AP4E1: variants seen among roughly 807,000 people sequenced by gnomAD.
The protein encoded by AP4E1 is AP-4 complex subunit epsilon-1.
A neutral mutation model predicts 128.2 loss-of-function variants in AP4E1; 56 were observed. The ratio of observed to expected loss-of-function variants is 0.44; its 90% CI spans 0.35 to 0.55. AP4E1 has a LOEUF of 0.55. Among genes scored for constraint, AP4E1 ranks in the 20% least tolerant of loss-of-function variants. The pLI is 0.00. For synonymous variants in AP4E1, 484 were observed against 473.1 expected, an observed-to-expected ratio of 1.02 and a Z score of -0.30; for missense variants, 1,324 against 1,307.7, an observed-to-expected ratio of 1.01 and a Z score of -0.19.
chr15:50,996,475 G>C (rs899890430), intron 17 of AP4E1, among the ~76,000 whole-genome samples: 1 of 152,124 alleles, frequency 6.6e-6, no homozygotes, highest in Non-Finnish European at 1.5e-5. Flanking sequence ...AAAATCATCT[G>C]TTCAGAGTTG....
In AP4E1 at chr15:50,984,076, G is replaced by A. The variant is rs778403145; in HGVS notation, c.2021G>A (p.Arg674Gln). The change falls in exon 16 of 21, where the codon CGA (arginine) becomes CAA (glutamine). Residue 674 changes from arginine (R) to glutamine (Q), a missense_variant. Arg to Gln is a conservative substitution (Grantham distance 43). Coordinates refer to ENST00000261842, the MANE Select transcript of AP4E1 (RefSeq NM_007347.5). The part of the protein sequence containing the change: ...LSFSSSGFTG[R>Q]QSPAGISLGS... ...TTTTCTTCATCTGGCTTCACTGGAC[G>A]ACAGTCTCCTGCTGGCATTTCTCTT... The A allele has an allele frequency of 6.2e-6, 10 of 1,613,214 alleles. No homozygotes were observed. The highest frequency in any genetic ancestry group is 5.5e-5 in the South Asian group (5 of 91,054).
intron 16 of AP4E1, among the ~76,000 whole-genome samples, chr15:50,991,885 G>A (rs1430546873): frequency 1.3e-4 from 20 of 150,224 alleles, no homozygotes; most frequent in Non-Finnish European, 2.8e-4. Context: ...TCTTGTAGTA[G>A]AAATGATTTT....
At chr15:50,953,529 T>C (rs1277646626) in intron 13 of AP4E1, among the ~76,000 whole-genome samples, 1 of 152,346 alleles carries the variant, frequency 6.6e-6, no homozygotes, top group Admixed American at 6.5e-5. Flanking sequence ...AATCATTCCT[T>C]TGTCCAGTGT....
intron 11 of AP4E1, among the ~76,000 whole-genome samples, 166 bp downstream of exon 11, chr15:50,948,325 C>T (rs1375417224): frequency 1.4e-5 from 2 of 146,100 alleles, no homozygotes; most frequent in Admixed American, 1.4e-4. Context: ...TTGTGTAGAC[C>T]TCTTAGGAGA....
At chr15:50,961,200 CT>C (rs984433100) in intron 14 of AP4E1, among the ~76,000 whole-genome samples, 1 of 152,032 alleles carries the variant, frequency 6.6e-6, no homozygotes, top group African/African-American at 2.4e-5. Context: ...AGCACCAACT[CT>C]TCTTAAACTA....
At chr15:50,999,487 C>T (rs2064928637) in intron 19 of AP4E1, among the ~76,000 whole-genome samples, 1 of 152,016 alleles carries the variant, frequency 6.6e-6, no homozygotes, top group Non-Finnish European at 1.5e-5. Flanking sequence ...ATAAGTGTTA[C>T]AATGAGGGAT....
intron 13 of AP4E1, among the ~76,000 whole-genome samples, chr15:50,956,212 T>C (rs1272846241): frequency 1.3e-5 from 2 of 152,236 alleles, no homozygotes; most frequent in South Asian, 2.1e-4. Context: ...CTGGGACTTA[T>C]GTTACCTGTT....
intron 5 of AP4E1, among the ~76,000 whole-genome samples, chr15:50,927,516 G>GTT (rs11378934): frequency 0.36 from 50,749 of 140,106 alleles, 9,430 homozygotes; most frequent in Middle Eastern, 0.42. Context: ...CCTATTCAGA[G>GTT]TTTTTTTTTT....
chr15:50,967,131 A>G (rs1365508669), intron 14 of AP4E1, among the ~76,000 whole-genome samples: 3 of 152,106 alleles, frequency 2.0e-5, no homozygotes, highest in African/African-American at 7.2e-5. Context: ...GTAATTTTCC[A>G]TAGATTTGTG....
chr15:50,991,332 C>T (rs2064804651), intron 16 of AP4E1, among the ~76,000 whole-genome samples: 1 of 152,072 alleles, frequency 6.6e-6, no homozygotes, highest in Non-Finnish European at 1.5e-5. Flanking sequence ...GGGACTTGTT[C>T]TCTCTTTTTT....
intron 14 of AP4E1, among the ~76,000 whole-genome samples, chr15:50,965,477 C>T (rs543909126): frequency 6.6e-6 from 1 of 152,346 alleles, no homozygotes; most frequent in South Asian, 2.1e-4. Flanking sequence ...AGTAGCGATT[C>T]ATGAATCGGG....
At chr15:50,962,473 G>C (rs184784485) in intron 14 of AP4E1, among the ~76,000 whole-genome samples, 2 of 151,900 alleles carry the variant, frequency 1.3e-5, no homozygotes, top group South Asian at 4.2e-4. Context: ...ACTGATTTTC[G>C]GTCAAAGTGC....
In AP4E1 at chr15:50,997,537, T is replaced by A; in HGVS notation, c.2558T>A (p.Leu853Ter). The change falls in exon 18 of 21, where the codon TTG becomes TAG. Residue 853 changes from leucine to a stop codon, truncating the protein, a stop_gained. Transcript: ENST00000261842. LOFTEE classifies it high-confidence loss of function. ...LKKFSLTSEL[L>*]DSESLTELPL... ...AAATTTTCTCTCACTTCAGAACTTTTGGATTCTGAGTCACTCACAGAACTG... is the reference window on the plus strand; with the variant it reads ...AAATTTTCTCTCACTTCAGAACTTTAGGATTCTGAGTCACTCACAGAACTG... The A allele has an allele frequency of 6.2e-7, 1 of 1,614,084 alleles. No homozygotes were observed. Among genetic ancestry groups the A allele is most frequent in the Non-Finnish European group, 8.5e-7 (1 of 1,179,972 alleles).
At chr15:50,941,114 G>A (rs1315465277) in intron 8 of AP4E1, among the ~76,000 whole-genome samples, 1 of 152,048 alleles carries the variant, frequency 6.6e-6, no homozygotes, top group African/African-American at 2.4e-5. Context: ...AGGGCAGGAT[G>A]TTTTTTTCCA....
At chr15:50,972,777 G>A (rs1417246683) in intron 15 of AP4E1, among the ~76,000 whole-genome samples, 2 of 152,312 alleles carry the variant, frequency 1.3e-5, no homozygotes, top group East Asian at 3.9e-4. Context: ...GCCAAGAGTA[G>A]CCTATGGGGC....
At chr15:50,934,424 T>G in intron 7 of AP4E1, 200 bp from the exon 8 acceptor site, 1 of 486,430 alleles carries the variant, frequency 2.1e-6, no homozygotes, top group Admixed American at 3.4e-5. Context: ...GGTTAACTAG[T>G]CAACTTTGAT....
chr15:50,949,742 G>A (rs1229298960), intron 11 of AP4E1, 84 bp from the exon 12 acceptor site: 14 of 1,046,848 alleles, frequency 1.3e-5, no homozygotes, highest in Non-Finnish European at 2.1e-5. Context: ...GATGAATTGG[G>A]GTTATTTTTT....
chr15:50,974,113 G>A (rs2064519467), intron 15 of AP4E1, among the ~76,000 whole-genome samples: 1 of 152,022 alleles, frequency 6.6e-6, no homozygotes, highest in Admixed American at 6.6e-5. Flanking sequence ...CTACAAGCAT[G>A]AGTCACCACA....
chr15:50,989,700 C>T (rs1429069603), intron 16 of AP4E1, among the ~76,000 whole-genome samples: 1 of 152,140 alleles, frequency 6.6e-6, no homozygotes, highest in Non-Finnish European at 1.5e-5. Flanking sequence ...ACCTGCACAA[C>T]AGGTGACAGC....
Sources: allele counts gnomAD v4.1 joint callset (sites outside exome capture counted in the v4.1 genomes callset), GRCh38; gene constraint gnomAD v4.1.1; transcripts MANE v1.5; gene names NCBI Gene and HGNC (gene_info 2026-07-23, HGNC 2026-07-21).